The following MOB3A variants were observed in gnomAD, a reference collection of about 807,000 sequenced individuals.
MOB3A encodes MOB kinase activator 3A.
In MOB3A, 17 loss-of-function variants were observed where a neutral mutation model predicts 17.8. The observed-to-expected ratio is 0.95, with a 90% CI of 0.65 to 1.43. The LOEUF is 1.43. MOB3A is among the 40% of genes most tolerant of loss of function. The pLI is 0.00. For synonymous variants in MOB3A, 124 were observed against 133.2 expected (o/e 0.93, Z 0.48); for missense variants, 333 against 310.8 (o/e 1.07, Z -0.54).
chr19:2,084,355 G>A (rs1252302659), intron 2 of MOB3A, among the ~76,000 whole-genome samples: 1 of 151,566 alleles, frequency 6.6e-6, no homozygotes, highest in African/African-American at 2.4e-5. Context: ...CTAGCCGGGT[G>A]TGGTGGCATG....
Position 2,073,029 on chromosome 19 carries a change from A to C in MOB3A, c.*366T>G. On this transcript the variant is annotated 3_prime_UTR_variant, in exon 5 of 5. Coordinates refer to ENST00000357066, the MANE Select transcript of MOB3A (RefSeq NM_130807.3). ...CAGCAGCCCTGGGGGCTCCCCAGCG[A>C]GGTGGAGGCAGAAGTTCCAGGAGCC... 3.5e-6 allele frequency: 1 copy of C among 288,930 alleles called. No homozygotes were observed. 17.9% of individuals were successfully genotyped at this position (288,930 alleles called of 1,614,324 possible).
intron 2 of MOB3A, among the ~76,000 whole-genome samples, chr19:2,080,402 G>C (rs1447752006): frequency 6.6e-6 from 1 of 150,858 alleles, no homozygotes; most frequent in East Asian, 1.9e-4. Context: ...TTTTGAGGCA[G>C]AGTCTCGCTC....
intron 3 of MOB3A, among the ~76,000 whole-genome samples, chr19:2,077,787 C>A (rs2017430958): frequency 6.6e-6 from 1 of 151,590 alleles, no homozygotes. Context: ...GAAATGGAAT[C>A]CTTTTTTTTT....
chr19:2,090,485 G>A (rs1405557550), intron 1 of MOB3A, among the ~76,000 whole-genome samples: 3 of 151,996 alleles, frequency 2.0e-5, no homozygotes, highest in Non-Finnish European at 4.4e-5. Context: ...CATGGAGTGG[G>A]TGGAGGCCAG....
intron 4 of MOB3A, among the ~76,000 whole-genome samples, chr19:2,074,520 C>A (rs2017379502): frequency 6.6e-6 from 1 of 151,542 alleles, no homozygotes; most frequent in African/African-American, 2.4e-5. Flanking sequence ...AAAGGGGATG[C>A]ACAAAAATGA....
At chr19:2,089,963 A>G (rs2017594890) in intron 1 of MOB3A, 1 of 149,438 alleles carries the variant, frequency 6.7e-6, no homozygotes, top group Non-Finnish European at 1.5e-5. Context: ...CGTATTTCCA[A>G]GTCCCCTGGG....
Position 2,073,191 on chromosome 19 carries a change from C to A in MOB3A, c.*204G>T, listed in dbSNP as rs962141586. The A allele has an allele frequency of 4.6e-6, 3 of 651,254 alleles. No homozygotes were observed. The highest frequency in any genetic ancestry group is 5.5e-6 in the Non-Finnish European group (2 of 365,452). The allele number at this position is 651,254 out of a possible 1,614,324, so 40.3% of individuals were successfully genotyped here. On this transcript the variant is annotated 3_prime_UTR_variant, in exon 5 of 5. Coordinates refer to ENST00000357066, the MANE Select transcript of MOB3A (RefSeq NM_130807.3). ...ACAGAGTTCACGTTTTAGTCCCAGA[C>A]GGGAGACTGAGGCTCGAGACTGAGG...
intron 3 of MOB3A, 127 bp downstream of exon 3, chr19:2,078,013 G>A (rs979456708): frequency 8.0e-6 from 8 of 1,001,386 alleles, no homozygotes; most frequent in Non-Finnish European, 9.9e-6. Flanking sequence ...TCAAACTCCT[G>A]GGCTCAAGCG....
intron 1 of MOB3A, among the ~76,000 whole-genome samples, chr19:2,090,579 C>A (rs2017602604): frequency 6.6e-6 from 1 of 152,148 alleles, no homozygotes; most frequent in South Asian, 2.1e-4. Context: ...CTGGCCCCAG[C>A]CCCACACAGG....
chr19:2,083,180 C>T (rs139502320), intron 2 of MOB3A, among the ~76,000 whole-genome samples: 18 of 152,274 alleles, frequency 1.2e-4, no homozygotes, highest in South Asian at 4.1e-4. Flanking sequence ...GGAGTAATCC[C>T]GCAGCCCAGC....
intron 2 of MOB3A, among the ~76,000 whole-genome samples, chr19:2,083,115 G>A (rs1187093629): frequency 1.3e-5 from 2 of 152,268 alleles, no homozygotes; most frequent in Admixed American, 6.5e-5. Flanking sequence ...TCAAGGGGCT[G>A]AGATCACTGG....
chr19:2,083,570 C>T (rs1297809979), intron 2 of MOB3A, among the ~76,000 whole-genome samples: 1 of 152,198 alleles, frequency 6.6e-6, no homozygotes, highest in East Asian at 1.9e-4. Flanking sequence ...AGTGCAGGCC[C>T]CACTTTACCA....
At chr19:2,075,264 G>T (rs1034182108) in intron 4 of MOB3A, among the ~76,000 whole-genome samples, 1 of 152,028 alleles carries the variant, frequency 6.6e-6, no homozygotes, top group Non-Finnish European at 1.5e-5. Context: ...TTCTGAGCTC[G>T]AGTGATTCTC....
chr19:2,085,790 T>G (rs2017545868), intron 1 of MOB3A: 1 of 151,624 alleles, frequency 6.6e-6, no homozygotes, highest in Non-Finnish European at 1.5e-5. Context: ...TCGGTGAAAC[T>G]CGTCTCTACT....
At chr19:2,075,400 C>T (rs2017391683) in intron 4 of MOB3A, among the ~76,000 whole-genome samples, 1 of 152,148 alleles carries the variant, frequency 6.6e-6, no homozygotes, top group Non-Finnish European at 1.5e-5. Context: ...TTTGGGAGGC[C>T]AAGGTGGGAG....
At chr19:2,095,728 G>A (rs772503240) in intron 1 of MOB3A, among the ~76,000 whole-genome samples, 33 of 150,914 alleles carry the variant, frequency 2.2e-4, no homozygotes, top group Non-Finnish European at 4.0e-4. Flanking sequence ...GCCTGAGTTC[G>A]CCCTTCCTTT....
rs1162859758 is a variant in MOB3A at position 2,093,836 on chromosome 19, G to A, written c.-274+2390C>T. Among the ~76,000 whole-genome samples, 4 of 152,134 alleles carry A rather than the reference G, an allele frequency of 2.6e-5. No homozygotes were observed. The highest frequency in any genetic ancestry group is 5.9e-5 in the Non-Finnish European group (4 of 68,020). On this transcript the variant is annotated intron_variant, in intron 1 of 4. Transcript: ENST00000357066. This position sits in a 1 kb window ranked among gnomAD's most constrained non-coding sequence, Gnocchi z 4.6. Reference sequence around the variant, plus strand: ...TGGGGAAAGGGAAACACATCCAGGGGGTCCGGAGGACAGGGACGTGACATG... The same window carrying A: ...TGGGGAAAGGGAAACACATCCAGGGAGTCCGGAGGACAGGGACGTGACATG...
chr19:2,088,670 A>G (rs1413044625), intron 1 of MOB3A, among the ~76,000 whole-genome samples: 1 of 151,994 alleles, frequency 6.6e-6, no homozygotes, highest in African/African-American at 2.4e-5. Context: ...GGGTTTCACC[A>G]TATTGGCCAG....
intron 4 of MOB3A, among the ~76,000 whole-genome samples, chr19:2,076,260 C>T (rs77028816): frequency 6.6e-6 from 1 of 151,110 alleles, no homozygotes; most frequent in African/African-American, 2.4e-5. Flanking sequence ...GTGAAACCCC[C>T]TCTCTCCTAA....
Sources: allele counts gnomAD v4.1 joint callset (sites outside exome capture counted in the v4.1 genomes callset), GRCh38; gene constraint gnomAD v4.1.1; non-coding constraint Gnocchi (gnomAD v3.1); transcripts MANE v1.5; gene names NCBI Gene and HGNC (gene_info 2026-07-23, HGNC 2026-07-21).